DYM: variants seen among roughly 807,000 people sequenced by gnomAD.
DYM encodes the protein dyggve-Melchior-Clausen syndrome protein.
Under a neutral mutation model 93.1 loss-of-function variants are expected in DYM, and 78 were observed. The ratio of observed to expected loss-of-function variants is 0.84; its 90% CI spans 0.70 to 1.01. The LOEUF is 1.01. DYM is among the 50% of genes least tolerant of loss of function. DYM has a pLI of 0.00. For synonymous variants in DYM, 321 were observed against 319.7 expected (o/e 1.00, Z -0.04); for missense variants, 789 against 845.0 (o/e 0.93, Z 0.82).
chr18:49,350,738 A>AAAAAAAAAAC (rs2065044848), intron 6 of DYM, among the ~76,000 whole-genome samples: 1 of 151,594 alleles, frequency 6.6e-6, no homozygotes, highest in Non-Finnish European at 1.5e-5. Flanking sequence ...AAAAAAAAAA[A>AAAAAAAAAAC]AAAACAAGAA....
intron 16 of DYM, among the ~76,000 whole-genome samples, chr18:49,107,423 G>A (rs1048558887): frequency 2.2e-4 from 34 of 152,236 alleles, no homozygotes; most frequent in East Asian, 1.2e-3. Flanking sequence ...GTCATTCTCC[G>A]TCCAGCTTTG....
chr18:49,176,662 A>G (rs2089419399), intron 14 of DYM, among the ~76,000 whole-genome samples: 2 of 137,002 alleles, frequency 1.5e-5, no homozygotes, highest in Non-Finnish European at 3.0e-5. Flanking sequence ...TGATCCTCCC[A>G]CTTCAGCCTC....
At chr18:49,177,303 C>T (rs1342848712) in intron 14 of DYM, among the ~76,000 whole-genome samples, 1 of 152,028 alleles carries the variant, frequency 6.6e-6, no homozygotes, top group African/African-American at 2.4e-5. Context: ...AGCATGTTTA[C>T]TATATGTCAG....
intron 1 of DYM, among the ~76,000 whole-genome samples, chr18:49,438,089 G>A (rs962686996): frequency 5.3e-5 from 8 of 152,146 alleles, no homozygotes; most frequent in South Asian, 2.1e-4. Context: ...CAGAAGGATC[G>A]CTTGAGCCCA....
intron 8 of DYM, chr18:49,321,268 A>G (rs2062463552): frequency 2.5e-6 from 1 of 397,634 alleles, no homozygotes; most frequent in African/African-American, 2.1e-5. Flanking sequence ...TTATCCCAGG[A>G]TTTCATCTGC....
intron 8 of DYM, chr18:49,329,456 A>G (rs772433383): frequency 2.0e-5 from 3 of 152,264 alleles, no homozygotes; most frequent in Non-Finnish European, 4.4e-5. Context: ...AAGCAAAAGG[A>G]GAGTATCAGG....
At chr18:49,178,835 A>G (rs1378026968) in intron 14 of DYM, among the ~76,000 whole-genome samples, 1 of 152,114 alleles carries the variant, frequency 6.6e-6, no homozygotes, top group African/African-American at 2.4e-5. Flanking sequence ...TTATAGATCA[A>G]ATCAAGTTGG....
intron 13 of DYM, among the ~76,000 whole-genome samples, chr18:49,217,852 A>T (rs976933850): frequency 3.0e-4 from 45 of 152,238 alleles, no homozygotes; most frequent in African/African-American, 1.0e-3. Flanking sequence ...TCAACTAACG[A>T]GCAAGATAAC....
chr18:49,036,982 C>T lies in DYM; in HGVS notation c.*7073G>A, dbSNP rs781066508. ...AGTGGCACAATCTCTGCCCACTGAA[C>T]CCTCCACCTCCCAGGTTCAAGCAAT... On this transcript the variant is annotated 3_prime_UTR_variant, in exon 18 of 18. Coordinates refer to ENST00000675505, the MANE Select transcript of DYM (RefSeq NM_001353214.3). 5.3e-5 allele frequency among the ~76,000 whole-genome samples: 8 copies of T among 152,088 alleles called. No homozygotes were observed. Among genetic ancestry groups the T allele is most frequent in the South Asian group, 2.1e-4 (1 of 4,822 alleles).
chr18:49,039,715 TAC>T lies in DYM; in HGVS notation c.*4338_*4339del, dbSNP rs1198420079. On this transcript the variant is annotated 3_prime_UTR_variant, in exon 18 of 18. Transcript: ENST00000675505. The stretch of plus-strand genomic sequence containing the variant: ...CTGTTCACTGTTCTTCTCATTACAG[TAC>T]TTTAGTTATAGAATTTCCAATGCGC... 6.6e-6 allele frequency among the ~76,000 whole-genome samples: 1 copy of T among 152,218 alleles called. No homozygotes were observed. Among genetic ancestry groups the T allele is most frequent in the Non-Finnish European group, 1.5e-5 (1 of 68,040 alleles).
chr18:49,321,102 A>G (rs1884635304), intron 8 of DYM: 1 of 324,038 alleles, frequency 3.1e-6, no homozygotes, highest in Non-Finnish European at 5.5e-6. Context: ...TTTTCAAAGA[A>G]TAAGATTTAT....
At chr18:49,242,616 T>C (rs1356013565) in intron 13 of DYM, among the ~76,000 whole-genome samples, 4 of 152,314 alleles carry the variant, frequency 2.6e-5, no homozygotes, top group Admixed American at 2.0e-4. Flanking sequence ...TCAAGTTCGA[T>C]GAAGGAAGTT....
chr18:49,268,536 A>G (rs1170003697), intron 11 of DYM, among the ~76,000 whole-genome samples: 1 of 152,206 alleles, frequency 6.6e-6, no homozygotes, highest in Non-Finnish European at 1.5e-5. Context: ...AAAGTATAGA[A>G]AATAGCACAA....
At chr18:49,162,946 G>T (rs1289206381) in intron 15 of DYM, among the ~76,000 whole-genome samples, 1 of 152,176 alleles carries the variant, frequency 6.6e-6, no homozygotes, top group Non-Finnish European at 1.5e-5. Context: ...AGGAAGCAGA[G>T]ACCAGAAACG....
chr18:49,045,862 C>T (rs894992185), intron 17 of DYM, among the ~76,000 whole-genome samples: 2 of 152,028 alleles, frequency 1.3e-5, no homozygotes, highest in African/African-American at 4.8e-5. Context: ...CACATAAGGT[C>T]CCGGAAGCCT....
intron 15 of DYM, among the ~76,000 whole-genome samples, chr18:49,145,163 GT>G (rs2144571586): frequency 1.2e-5 from 1 of 82,088 alleles, no homozygotes; most frequent in East Asian, 2.7e-4. Flanking sequence ...ACAAATATAG[GT>G]CCCCAATGGG....
chr18:49,289,314 T>C (rs933851431), intron 8 of DYM, among the ~76,000 whole-genome samples: 1 of 126,486 alleles, frequency 7.9e-6, no homozygotes, highest in African/African-American at 3.0e-5. Flanking sequence ...TTTTACATGA[T>C]AAAACACATC....
chr18:49,327,375 G>A (rs2062974694), intron 8 of DYM, among the ~76,000 whole-genome samples: 2 of 151,588 alleles, frequency 1.3e-5, no homozygotes, highest in Admixed American at 6.6e-5. Flanking sequence ...TTGTTTTTTT[G>A]TTGTTGAGAC....
chr18:49,090,170 A>G (rs1024951607), intron 17 of DYM, among the ~76,000 whole-genome samples: 1 of 152,254 alleles, frequency 6.6e-6, no homozygotes, highest in Non-Finnish European at 1.5e-5. Flanking sequence ...GAAGTAACTT[A>G]TAAGACTTGA....
Sources: gnomAD v4.1 joint callset for allele counts (sites outside exome capture counted in the v4.1 genomes callset) on GRCh38, gnomAD v4.1.1 for gene constraint, MANE v1.5 for transcripts, NCBI Gene and HGNC (gene_info 2026-07-23, HGNC 2026-07-21) for gene names.